The following CDH4 variants were observed in gnomAD, a reference collection of about 807,000 sequenced individuals.
CDH4 encodes cadherin-4.
CDH4 carries 33 observed loss-of-function variants against 86.0 expected under a neutral mutation model. The ratio of observed to expected loss-of-function variants is 0.38; its 90% confidence interval spans 0.29 to 0.51. The LOEUF is 0.51. CDH4 is among the 20% of genes least tolerant of loss of function. CDH4 has a pLI of 0.86. For synonymous variants in CDH4, 555 were observed against 549.4 expected, an observed-to-expected ratio of 1.01 and a Z score of -0.14; for missense variants, 1,114 against 1,307.4, an observed-to-expected ratio of 0.85 and a Z score of 2.28.
At chr20:61,667,979 G>C (rs2087345949) in intron 2 of CDH4, among the ~76,000 whole-genome samples, 1 of 152,234 alleles carries the variant, frequency 6.6e-6, no homozygotes, top group African/African-American at 2.4e-5. Context: ...AGACATTAGA[G>C]TAAGTGCTCT....
chr20:61,780,513 C>A (rs151130575), intron 4 of CDH4, among the ~76,000 whole-genome samples: 1 of 152,186 alleles, frequency 6.6e-6, no homozygotes, highest in Non-Finnish European at 1.5e-5. Context: ...GTGAGAATGA[C>A]GGACACGGCC....
chr20:61,923,836 A>T, intron 10 of CDH4, 132 bp downstream of exon 10: 1 of 1,153,058 alleles, frequency 8.7e-7, no homozygotes, highest in South Asian at 1.5e-5. Flanking sequence ...CTCCAACCTA[A>T]GGCGTCCTTC....
rs556151263 is a variant in CDH4, at chr20:61,878,936, A to G, written c.1050+5036A>G. Among the ~76,000 whole-genome samples the G allele has an allele frequency of 3.3e-5, 5 of 152,322 alleles. No homozygotes were observed. The South Asian group carries it at 1.0e-3, about 32-fold the overall frequency. ...GTGTGGGTCTGTGCTTAATGTTCAG[A>G]GCTGCCCTGCTCTTCCTTCGCCCAC... On this transcript the variant is annotated intron_variant, in intron 7 of 15. Coordinates refer to ENST00000614565, the MANE Select transcript of CDH4 (RefSeq NM_001794.5).
At chr20:61,495,846 T>C in intron 2 of CDH4, among the ~76,000 whole-genome samples, 1 of 136,866 alleles carries the variant, frequency 7.3e-6, no homozygotes, top group Non-Finnish European at 1.5e-5. Flanking sequence ...GAGGTTGTGG[T>C]GAGCTGAGAT....
chr20:61,682,669 G>A (rs2087530117), intron 2 of CDH4, among the ~76,000 whole-genome samples: 1 of 152,094 alleles, frequency 6.6e-6, no homozygotes, highest in Non-Finnish European at 1.5e-5. Context: ...AGCAATTACT[G>A]GAGGAAGCAT....
At chr20:61,694,874 A>G (rs2087700268) in intron 2 of CDH4, among the ~76,000 whole-genome samples, 1 of 152,230 alleles carries the variant, frequency 6.6e-6, no homozygotes, top group African/African-American at 2.4e-5. Context: ...TGCTGACAGA[A>G]GCCGAAGTGA....
At chr20:61,697,752 C>T (rs764963720) in intron 2 of CDH4, among the ~76,000 whole-genome samples, 1 of 152,240 alleles carries the variant, frequency 6.6e-6, no homozygotes, top group African/African-American at 2.4e-5. Flanking sequence ...GACGTCTCCC[C>T]AGAGGGGTGT....
At chr20:61,826,823 C>T (rs974572030) in intron 4 of CDH4, among the ~76,000 whole-genome samples, 5 of 152,186 alleles carry the variant, frequency 3.3e-5, no homozygotes, top group Non-Finnish European at 7.3e-5. Flanking sequence ...GTCTCCTCAC[C>T]TCTGCTCTTG....
At chr20:61,263,365 C>A (rs2084138504) in intron 2 of CDH4, among the ~76,000 whole-genome samples, 1 of 152,178 alleles carries the variant, frequency 6.6e-6, no homozygotes, top group Non-Finnish European at 1.5e-5. Flanking sequence ...ACCAAAAATC[C>A]CTATTTAATT....
chr20:61,544,878 G>T lies in CDH4; in HGVS notation c.170-198685G>T, dbSNP rs891440127. On this transcript the variant is annotated intron_variant, in intron 2 of 15. Coordinates refer to ENST00000614565, the MANE Select transcript of CDH4 (RefSeq NM_001794.5). This position sits in a 1 kb window ranked among gnomAD's most constrained non-coding sequence, Gnocchi z 6.5. ...TGAGGGGAGGGGGGATGCACTAGGGGGTCTTGGAACTTGGTACATACAGGT... is the reference window on the plus strand; with the variant it reads ...TGAGGGGAGGGGGGATGCACTAGGGTGTCTTGGAACTTGGTACATACAGGT... 6.6e-6 allele frequency among the ~76,000 whole-genome samples: 1 copy of T among 152,074 alleles called. No homozygotes were observed. The highest frequency in any genetic ancestry group is 2.4e-5 in the African/African-American group (1 of 41,402).
At chr20:61,486,124 AAC>A (rs1008982263) in intron 2 of CDH4, among the ~76,000 whole-genome samples, 10 of 152,250 alleles carry the variant, frequency 6.6e-5, no homozygotes, top group African/African-American at 2.4e-4. Flanking sequence ...AAATTCATAA[AAC>A]ACACAAAAGA....
chr20:61,889,964 T>C (rs1018217833), intron 7 of CDH4, among the ~76,000 whole-genome samples: 2 of 142,796 alleles, frequency 1.4e-5, no homozygotes, highest in African/African-American at 2.6e-5. Context: ...GGATGATGGA[T>C]GGATGGATGA....
chr20:61,884,884 G>A (rs555021988), intron 7 of CDH4, among the ~76,000 whole-genome samples: 20 of 152,242 alleles, frequency 1.3e-4, no homozygotes, highest in East Asian at 1.9e-4. Flanking sequence ...CGGGAGGTGC[G>A]GGGTTGGGAC....
chr20:61,703,574 T>G lies in CDH4; in HGVS notation c.170-39989T>G, dbSNP rs1424979068. On this transcript the variant is annotated intron_variant, in intron 2 of 15. Transcript: ENST00000614565. The surrounding 1 kb of genome is among the most constrained non-coding windows in gnomAD (Gnocchi z 4.3). ...GGGATCAAAGCTCCTCGTCCCCAGC[T>G]TGTGTCCCTTCCCCGTCGCACCTCT... 6.6e-6 allele frequency among the ~76,000 whole-genome samples: 1 copy of G among 152,186 alleles called. No individual in the cohort carries two copies. The highest frequency in any genetic ancestry group is 1.5e-5 in the Non-Finnish European group (1 of 68,030).
In CDH4 at chr20:61,697,006, G is replaced by C. The variant is rs947790185; in HGVS notation, c.170-46557G>C. Reference sequence around the variant, plus strand: ...AGTAAGGAATGTCCGGAGCTCCCAGGGGCTGGAAGAGGCTGGAAGGGCCCT... The same window carrying C: ...AGTAAGGAATGTCCGGAGCTCCCAGCGGCTGGAAGAGGCTGGAAGGGCCCT... On this transcript the variant is annotated intron_variant, in intron 2 of 15. Transcript: ENST00000614565. Among the ~76,000 whole-genome samples the C allele has an allele frequency of 2.0e-5, 3 of 152,174 alleles. No individual in the cohort carries two copies. In the South Asian group the frequency reaches 6.2e-4, roughly 32 times the overall value.
chr20:61,791,665 A>G (rs1445586528), intron 4 of CDH4, among the ~76,000 whole-genome samples: 2 of 152,148 alleles, frequency 1.3e-5, no homozygotes, highest in African/African-American at 4.8e-5. Context: ...GAGCACAGGG[A>G]TGGGATGGGC....
At chr20:61,658,208 T>C (rs920934218) in intron 2 of CDH4, among the ~76,000 whole-genome samples, 4 of 151,852 alleles carry the variant, frequency 2.6e-5, no homozygotes, top group Admixed American at 6.6e-5. Flanking sequence ...CCCCGAGCCA[T>C]CCTCCCTTCC....
chr20:61,545,895 G>GT (rs945382905), intron 2 of CDH4, among the ~76,000 whole-genome samples: 4 of 80,330 alleles, frequency 5.0e-5, no homozygotes, highest in African/African-American at 1.9e-4. Context: ...GTATGTGTTC[G>GT]TATGTGTGTG....
chr20:61,286,520 G>A (rs2084294161), intron 2 of CDH4, among the ~76,000 whole-genome samples: 1 of 152,236 alleles, frequency 6.6e-6, no homozygotes, highest in African/African-American at 2.4e-5. Context: ...TTTCAGTTCA[G>A]AAGTCAAGAG....
Sources: allele counts gnomAD v4.1 joint callset (sites outside exome capture counted in the v4.1 genomes callset), GRCh38; gene constraint gnomAD v4.1.1; non-coding constraint Gnocchi (gnomAD v3.1); transcripts MANE v1.5; gene names NCBI Gene and HGNC (gene_info 2026-07-23, HGNC 2026-07-21).